MFSD1: variants seen among roughly 807,000 people sequenced by gnomAD.
The protein encoded by MFSD1 is major facilitator superfamily domain containing 1, also known as lysosomal dipeptide transporter MFSD1.
Under a neutral mutation model 67.1 loss-of-function variants are expected in MFSD1, and 59 were observed. The ratio of observed to expected loss-of-function variants is 0.88; its 90% CI spans 0.71 to 1.09. The LOEUF is 1.09. Among genes scored for constraint, MFSD1 ranks in the 50% least tolerant of loss-of-function variants. The probability of loss-of-function intolerance (pLI) is 0.00; values close to 1 mark genes in which losing one functional copy is unlikely to be tolerated. For synonymous variants in MFSD1, 213 were observed against 200.3 expected, an observed-to-expected ratio of 1.06 and a Z score of -0.54; for missense variants, 552 against 566.1, an observed-to-expected ratio of 0.97 and a Z score of 0.25.
Position 158,824,182 on chromosome 3 carries a change from C to T in MFSD1, c.1234C>T (p.Leu412=). The T allele has an allele frequency of 6.2e-7, 1 of 1,613,406 alleles. No homozygotes were observed. Among genetic ancestry groups the T allele is most frequent in the South Asian group, 1.1e-5 (1 of 91,028 alleles). ...AIISIIAGMI[L]DSRGYLFLEV... is the part of the protein sequence containing the mutation. ...CATTTCCATCATTGCTGGTATGATACTGGATTCTCGGGGGTATTTGTTTTT... is the reference window on the plus strand; with the variant it reads ...CATTTCCATCATTGCTGGTATGATATTGGATTCTCGGGGGTATTTGTTTTT... The change falls in exon 13 of 16, where the codon CTG becomes TTG. Residue 412 remains leucine (L), a synonymous_variant. Coordinates refer to ENST00000415822, the MANE Select transcript of MFSD1 (RefSeq NM_022736.4).
chr3:158,813,463 A>G (rs1168041508), intron 6 of MFSD1, among the ~76,000 whole-genome samples: 1 of 152,102 alleles, frequency 6.6e-6, no homozygotes, highest in East Asian at 1.9e-4. Context: ...TCTTTATTAT[A>G]TTCCCAATAC....
intron 1 of MFSD1, among the ~76,000 whole-genome samples, chr3:158,803,350 CCT>C (rs1190942976): frequency 6.6e-6 from 1 of 152,084 alleles, no homozygotes; most frequent in African/African-American, 2.4e-5. Flanking sequence ...CCTTGCAACT[CCT>C]TTTTCCCCCC....
chr3:158,817,218 T>C (rs1008996007), intron 7 of MFSD1, among the ~76,000 whole-genome samples: 1 of 152,126 alleles, frequency 6.6e-6, no homozygotes, highest in African/African-American at 2.4e-5. Context: ...TCACCACTCC[T>C]ATTCAACATA....
Position 158,829,174 on chromosome 3 carries a change from G to A in MFSD1, c.*192G>A. ...GCCTGTGTCTTTTGTATTGTGTGTTGCTAAAGAATTCTACTTTTAGTAGGC... is the reference window on the plus strand; with the variant it reads ...GCCTGTGTCTTTTGTATTGTGTGTTACTAAAGAATTCTACTTTTAGTAGGC... On this transcript the variant is annotated 3_prime_UTR_variant, in exon 16 of 16. Transcript: ENST00000415822. The A allele has an allele frequency of 2.4e-6, 1 of 410,126 alleles. No homozygotes were observed. The allele number at this position is 410,126 out of a possible 1,614,324, so 25.4% of individuals were successfully genotyped here.
rs1374233702 is a variant in MFSD1 at position 158,810,001 on chromosome 3, C to A, written c.549+714C>A. On this transcript the variant is annotated intron_variant, in intron 6 of 15. Transcript: ENST00000415822. The stretch of plus-strand genomic sequence containing the variant: ...TTTCAGGTTTGGTCTTAGAGGCTAC[C>A]TAGCGGGAACAACATTATGGGTTTC... 1.3e-5 allele frequency among the ~76,000 whole-genome samples: 2 copies of A among 152,104 alleles called. 1 individual carries two copies. Among genetic ancestry groups the A allele is most frequent in the Admixed American group, 1.3e-4 (2 of 15,262 alleles).
chr3:158,809,874 CAT>C (rs1729912556), intron 6 of MFSD1, among the ~76,000 whole-genome samples: 1 of 152,212 alleles, frequency 6.6e-6, no homozygotes. Flanking sequence ...AGCCATATGA[CAT>C]GGATCTCAGC....
At chr3:158,807,875 G>A (rs1220775848) in intron 5 of MFSD1, among the ~76,000 whole-genome samples, 3 of 152,194 alleles carry the variant, frequency 2.0e-5, no homozygotes, top group East Asian at 1.9e-4. Flanking sequence ...GCTTGAATGA[G>A]CACAATATGT....
chr3:158,809,805 T>C (rs1396843812), intron 6 of MFSD1, among the ~76,000 whole-genome samples: 1 of 152,236 alleles, frequency 6.6e-6, no homozygotes, highest in Non-Finnish European at 1.5e-5. Flanking sequence ...AGCACTTTGC[T>C]CCTTTGTAGA....
rs113396191 is a variant in MFSD1, at chr3:158,814,849, G to A, written c.652+782G>A. Among the ~76,000 whole-genome samples the A allele has an allele frequency of 5.9e-5, 9 of 152,180 alleles. 2 individuals are homozygous for A. The highest frequency in any genetic ancestry group is 2.1e-4 in the South Asian group (1 of 4,822). The stretch of plus-strand genomic sequence containing the variant: ...TATAATCCCAGCACTTTGGGAGGCC[G>A]AGGTGGGTGGATCACCTGAGGTCGG... On this transcript the variant is annotated intron_variant, in intron 7 of 15. Coordinates refer to ENST00000415822, the MANE Select transcript of MFSD1 (RefSeq NM_022736.4).
In MFSD1 at chr3:158,827,329, C is replaced by A. The variant is rs765961128; in HGVS notation, c.1386C>A (p.Ser462=). 9.1e-6 allele frequency: 14 copies of A among 1,538,110 alleles called. No individual in the cohort carries two copies. Among genetic ancestry groups the A allele is most frequent in the Non-Finnish European group, 1.1e-5 (13 of 1,142,624 alleles). ...GACAAAGGGAAGAAATAAAATTTTC[C>A]CATACTGAGTAAGTATTAAAAGGGT... ...SARQREEIKF[S]HTE is the part of the protein sequence containing the mutation. Residue 462 remains serine (S), a synonymous_variant, in exon 15 of 16, where the codon TCC becomes TCA. Transcript: ENST00000415822.
At position 158,823,435 on chromosome 3, in the gene MFSD1, T is replaced by A. The variant is rs1478088625; in HGVS notation, c.1085T>A (p.Leu362Gln). 6.2e-7 allele frequency: 1 copy of A among 1,612,208 alleles called. No individual in the cohort carries two copies. Among genetic ancestry groups the A allele is most frequent in the South Asian group, 1.1e-5 (1 of 91,054 alleles). ...CTGCGTTGCTTTCTGTAGTGTCTTC[T>A]GGGACTCTCCTACTCATTGCTTGCC... Reference protein sequence around the residue: ...MWNPWIAMCLLGLSYSLLACA... With the variant: ...MWNPWIAMCLQGLSYSLLACA... The change falls in exon 12 of 16, where the codon CTG becomes CAG. Residue 362 changes from leucine to glutamine, a missense_variant. Coordinates refer to ENST00000415822, the MANE Select transcript of MFSD1 (RefSeq NM_022736.4).
chr3:158,827,923 A>AGG (rs1559926530), intron 15 of MFSD1, among the ~76,000 whole-genome samples: 7 of 79,110 alleles, frequency 8.8e-5, no homozygotes, highest in African/African-American at 3.0e-4. Flanking sequence ...GGGGAGAGAG[A>AGG]GAGAGAGAGA....
At chr3:158,817,925 AT>A (rs1340304859) in intron 7 of MFSD1, among the ~76,000 whole-genome samples, 3 of 152,076 alleles carry the variant, frequency 2.0e-5, no homozygotes, top group Non-Finnish European at 2.9e-5. Context: ...CTCCTGTTCA[AT>A]TTGGATCCTA....
intron 13 of MFSD1, chr3:158,825,056 T>G (rs1393354328): frequency 6.6e-6 from 1 of 152,268 alleles, no homozygotes; most frequent in Non-Finnish European, 1.5e-5. Context: ...TCTATTTTTG[T>G]TGTTGCAGCA....
At position 158,820,258 on chromosome 3, in the gene MFSD1, C is replaced by G; in HGVS notation, c.795C>G (p.Pro265=). 1 of 1,611,846 alleles carries G rather than the reference C, an allele frequency of 6.2e-7. No homozygotes were observed. The highest frequency in any genetic ancestry group is 8.5e-7 in the Non-Finnish European group (1 of 1,178,236). Residue 265 remains proline (P), a synonymous_variant, in exon 9 of 16, where the codon CCC becomes CCG. Transcript: ENST00000415822. The stretch of plus-strand genomic sequence containing the variant: ...CTGATGTAAAGGACTTCTCCTTACC[C>G]CTGTGGCTTATATTTATCATCTGTG... The part of the protein sequence containing the change: ...KLTDVKDFSL[P]LWLIFIICVC...
At chr3:158,809,390 T>C in intron 6 of MFSD1, 103 bp downstream of exon 6, 1 of 734,918 alleles carries the variant, frequency 1.4e-6, no homozygotes, top group Non-Finnish European at 2.2e-6. Context: ...GTATGGTAAA[T>C]TAGATATTAA....
chr3:158,817,662 T>C (rs1730442103), intron 7 of MFSD1, among the ~76,000 whole-genome samples: 1 of 152,072 alleles, frequency 6.6e-6, no homozygotes, highest in South Asian at 2.1e-4. Flanking sequence ...ATCATGAAAA[T>C]GGCCATACTG....
At chr3:158,820,354 T>C (rs1226570958) in intron 9 of MFSD1, 28 bp downstream of exon 9, 1 of 1,449,968 alleles carries the variant, frequency 6.9e-7, no homozygotes, top group African/African-American at 1.4e-5. Flanking sequence ...TTCCATTATT[T>C]CTTGTCTAAA....
intron 15 of MFSD1, among the ~76,000 whole-genome samples, chr3:158,828,730 T>C (rs1262663245): frequency 6.6e-6 from 1 of 152,086 alleles, no homozygotes; most frequent in Non-Finnish European, 1.5e-5. Flanking sequence ...AATATACTAC[T>C]AGAAATAACC....
Sources: gnomAD v4.1 joint callset for allele counts (sites outside exome capture counted in the v4.1 genomes callset) on GRCh38, gnomAD v4.1.1 for gene constraint, MANE v1.5 for transcripts, NCBI Gene and HGNC (gene_info 2026-07-23, HGNC 2026-07-21) for gene names.